The following PACRG variants were observed in gnomAD, a reference collection of about 807,000 sequenced individuals.
The protein encoded by PACRG is parkin coregulated, also known as parkin coregulated gene protein.
PACRG carries 29 observed loss-of-function variants against 29.7 expected under a neutral mutation model. The observed-to-expected ratio is 0.98, with a 90% CI of 0.73 to 1.33. The LOEUF (loss-of-function observed/expected upper bound fraction) is 1.33, where lower values mean the gene tolerates loss of function less well. Ranked by LOEUF, PACRG falls within the 40% of genes most tolerant of loss-of-function variation. PACRG has a pLI of 0.00. For synonymous variants in PACRG, 116 were observed against 118.7 expected (o/e 0.98, Z 0.15); for missense variants, 279 against 316.2 (o/e 0.88, Z 0.89).
chr6:163,208,116 T>C (rs1374439694), intron 4 of PACRG, among the ~76,000 whole-genome samples: 5 of 152,236 alleles, frequency 3.3e-5, no homozygotes, highest in Non-Finnish European at 7.3e-5. Context: ...CCAATTTGAA[T>C]TCTATTGTAG....
At chr6:162,727,618 G>C, upstream of PACRG, 1 of 1,567,502 alleles carries the variant, frequency 6.4e-7, no homozygotes, top group Non-Finnish European at 8.7e-7. Context: ...ATACCGGGGC[G>C]TGGGGCGGCG....
At chr6:162,762,564 A>T (rs1782459311) in intron 1 of PACRG, among the ~76,000 whole-genome samples, 2 of 152,200 alleles carry the variant, frequency 1.3e-5, no homozygotes, top group African/African-American at 4.8e-5. Flanking sequence ...AGAAGTGTAT[A>T]GGGATTTTTA....
intron 1 of PACRG, among the ~76,000 whole-genome samples, chr6:162,747,311 T>C (rs934924657): frequency 7.7e-6 from 1 of 130,308 alleles, no homozygotes; most frequent in African/African-American, 2.8e-5. Context: ...GAACTCAGAC[T>C]GGCTCTCCTT....
chr6:163,268,405 A>AAAAG (rs562327051), intron 4 of PACRG, among the ~76,000 whole-genome samples: 127 of 143,788 alleles, frequency 8.8e-4, no homozygotes, highest in African/African-American at 3.1e-3. Flanking sequence ...GTCTCAAAGA[A>AAAAG]AAAAAAAAAG....
intron 4 of PACRG, among the ~76,000 whole-genome samples, chr6:163,091,914 T>C (rs1814141513): frequency 6.6e-6 from 1 of 152,232 alleles, no homozygotes; most frequent in East Asian, 1.9e-4. Context: ...AAAATTACAT[T>C]AGAAATTGAC....
intron 4 of PACRG, among the ~76,000 whole-genome samples, chr6:163,278,870 G>A (rs1383658809): frequency 6.6e-6 from 1 of 152,114 alleles, no homozygotes; most frequent in African/African-American, 2.4e-5. Flanking sequence ...CTTCTTTGAA[G>A]AATGATGGTG....
In PACRG at chr6:162,902,680, G is replaced by A. The variant is rs563059199; in HGVS notation, c.291+88399G>A. Among the ~76,000 whole-genome samples, 28 of 152,280 alleles carry A rather than the reference G, an allele frequency of 1.8e-4. No individual in the cohort carries two copies. The South Asian group carries it at 5.4e-3, about 29-fold the overall frequency. ...CAGAGTGCGGTTTTCAGGTAGAGACGTTGTAATTGTTAACAATAAAGGTAA... is the reference window on the plus strand; with the variant it reads ...CAGAGTGCGGTTTTCAGGTAGAGACATTGTAATTGTTAACAATAAAGGTAA... On this transcript the variant is annotated intron_variant, in intron 2 of 4. Transcript: ENST00000366888.
chr6:163,234,673 C>T (rs1458754645), intron 4 of PACRG, among the ~76,000 whole-genome samples: 1 of 152,102 alleles, frequency 6.6e-6, no homozygotes, highest in African/African-American at 2.4e-5. Context: ...TCAAAAACCA[C>T]AGGAGTTTAC....
chr6:162,737,532 G>A (rs998807075), intron 1 of PACRG, among the ~76,000 whole-genome samples: 2 of 151,972 alleles, frequency 1.3e-5, no homozygotes, highest in Admixed American at 1.3e-4. Context: ...TTCTTTTTGT[G>A]TGTTTCATAA....
intron 2 of PACRG, among the ~76,000 whole-genome samples, chr6:162,857,110 G>C (rs1791462404): frequency 6.6e-6 from 1 of 152,138 alleles, no homozygotes; most frequent in Non-Finnish European, 1.5e-5. Context: ...GGGTAAAGAG[G>C]GGAGAAAGAA....
At chr6:163,137,487 T>A (rs1816980310) in intron 4 of PACRG, among the ~76,000 whole-genome samples, 1 of 152,016 alleles carries the variant, frequency 6.6e-6, no homozygotes. Flanking sequence ...CAGAACTCCA[T>A]CCATTCAAAG....
At chr6:162,789,314 C>G (rs1162914747) in intron 1 of PACRG, among the ~76,000 whole-genome samples, 1 of 152,138 alleles carries the variant, frequency 6.6e-6, no homozygotes, top group African/African-American at 2.4e-5. Flanking sequence ...ATATTTCTAT[C>G]AAACAGTTGT....
rs552450530 is a variant in PACRG at position 163,024,975 on chromosome 6, C to A, written c.292-37175C>A. Among the ~76,000 whole-genome samples, 3 of 152,154 alleles carry A rather than the reference C, an allele frequency of 2.0e-5. No homozygotes were observed. The South Asian group carries it at 6.2e-4, about 32-fold the overall frequency. ...CATAAATAGAATCAAAAGCAAAAAG[C>A]CTTTATTGAGATATGGTTATCTCAA... On this transcript the variant is annotated intron_variant, in intron 2 of 4. Transcript: ENST00000366888.
chr6:163,164,931 A>G (rs16894589), intron 4 of PACRG, among the ~76,000 whole-genome samples: 7,596 of 152,230 alleles, frequency 0.05, 599 homozygotes, highest in African/African-American at 0.17. Context: ...ATGTATGTAC[A>G]TGAACCAAAG....
At chr6:163,231,231 C>T (rs1473743491) in intron 4 of PACRG, among the ~76,000 whole-genome samples, 1 of 152,240 alleles carries the variant, frequency 6.6e-6, no homozygotes, top group Admixed American at 6.5e-5. Context: ...TTGCTTCCTG[C>T]GGCTTTTCTA....
chr6:163,262,385 C>T lies in PACRG; in HGVS notation c.614-52442C>T, dbSNP rs531661117. ...ATCGGGTCACTGGGAGGATCACAGGCGGGGGAATATATATCTGTGTTTTGA... is the reference window on the plus strand; with the variant it reads ...ATCGGGTCACTGGGAGGATCACAGGTGGGGGAATATATATCTGTGTTTTGA... On this transcript the variant is annotated intron_variant, in intron 4 of 4. Coordinates refer to ENST00000366888, the MANE Select transcript of PACRG (RefSeq NM_001080379.2). Among the ~76,000 whole-genome samples, 58 of 152,200 alleles carry T rather than the reference C, an allele frequency of 3.8e-4. 1 individual carries two copies. The South Asian group carries it at 0.01, about 27-fold the overall frequency.
chr6:162,744,574 C>CA (rs1312548885), intron 1 of PACRG, among the ~76,000 whole-genome samples: 1 of 152,250 alleles, frequency 6.6e-6, no homozygotes, highest in African/African-American at 2.4e-5. Context: ...GCCTCAGTGA[C>CA]ACAGCGAGAC....
chr6:163,056,360 G>A (rs2128254138), intron 2 of PACRG, among the ~76,000 whole-genome samples: 1 of 152,322 alleles, frequency 6.6e-6, no homozygotes, highest in South Asian at 2.1e-4. Context: ...GCGAATTAGT[G>A]GAGAAATGAA....
At chr6:163,143,473 C>A (rs372248789) in intron 4 of PACRG, among the ~76,000 whole-genome samples, 1 of 152,148 alleles carries the variant, frequency 6.6e-6, no homozygotes, top group East Asian at 1.9e-4. Context: ...AGAGCAACAA[C>A]ATCAGAAGTC....
Sources: gnomAD v4.1 joint callset for allele counts (sites outside exome capture counted in the v4.1 genomes callset) on GRCh38, gnomAD v4.1.1 for gene constraint, MANE v1.5 for transcripts, NCBI Gene and HGNC (gene_info 2026-07-23, HGNC 2026-07-21) for gene names.